The following ZNF649 variants were observed in gnomAD, a reference collection of about 807,000 sequenced individuals.
ZNF649 encodes the protein zinc finger protein 649.
ZNF649 carries 7 observed loss-of-function variants against 14.1 expected under a neutral mutation model. The observed-to-expected ratio is 0.49, with a 90% CI of 0.28 to 0.93. ZNF649 has a LOEUF of 0.93. Ranked by LOEUF, ZNF649 falls within the 40% of genes least tolerant of loss-of-function variation. The pLI is 0.10. For synonymous variants in ZNF649, 227 were observed against 212.3 expected (o/e 1.07, Z -0.60); for missense variants, 544 against 608.1 (o/e 0.89, Z 1.11).
chr19:51,904,899 G>C lies in ZNF649; in HGVS notation c.-188+15C>G, dbSNP rs1274341272. On this transcript the variant is annotated intron_variant, in intron 1 of 4. Coordinates refer to ENST00000354957, the MANE Select transcript of ZNF649 (RefSeq NM_023074.4). Reference sequence around the variant, plus strand: ...ACCCCTTTAACCTACTCCACGGAGAGACCCAAACACTCACCTGATTTTCTT... The same window carrying C: ...ACCCCTTTAACCTACTCCACGGAGACACCCAAACACTCACCTGATTTTCTT... The C allele has an allele frequency of 6.6e-6, 1 of 152,432 alleles. No homozygotes were observed. Among genetic ancestry groups the C allele is most frequent in the Non-Finnish European group, 1.5e-5 (1 of 68,252 alleles). 9.4% of individuals were successfully genotyped at this position (152,432 alleles called of 1,614,324 possible).
chr19:51,898,861 C>T (rs926299542), intron 2 of ZNF649, among the ~76,000 whole-genome samples: 2 of 151,926 alleles, frequency 1.3e-5, no homozygotes, highest in Admixed American at 6.6e-5. Flanking sequence ...TGCAGTGAGC[C>T]GAGGTTGCAC....
chr19:51,896,542 G>A lies in ZNF649; in HGVS notation c.168C>T (p.Ala56=), dbSNP rs146944203. The change falls in exon 4 of 5, where the codon GCC becomes GCT. Residue 56 remains alanine, a synonymous_variant. Coordinates refer to ENST00000354957, the MANE Select transcript of ZNF649 (RefSeq NM_023074.4). ...SVGYQAGKPD[A]LTKLEQGEPL... is the part of the protein sequence containing the mutation. Reference sequence around the variant, plus strand: ...GTTCTCCTTGTTCCAACTTGGTGAGGGCATCAGGTTTGCCGGCTTGATACC... The same window carrying A: ...GTTCTCCTTGTTCCAACTTGGTGAGAGCATCAGGTTTGCCGGCTTGATACC... 1 of 1,614,094 alleles carries A rather than the reference G, an allele frequency of 6.2e-7. No homozygotes were observed. The highest frequency in any genetic ancestry group is 8.5e-7 in the Non-Finnish European group (1 of 1,180,012).
rs140908786 is a variant in ZNF649 at position 51,891,833 on chromosome 19, C to A, written c.303G>T (p.Thr101=). The A allele has an allele frequency of 1.3e-6, 2 of 1,594,392 alleles. No individual in the cohort carries two copies. Among genetic ancestry groups the A allele is most frequent in the Admixed American group, 1.9e-5 (1 of 53,476 alleles). ...TTCTTCCGTGTTCATAGCGTTGTCC[C>A]GTCCTCTTCAGTATTTTTTGGTTTT... ...PLQNQKILKR[T]GQRYEHGRTL... The change falls in exon 5 of 5, where the codon ACG becomes ACT. Residue 101 remains threonine (T), a synonymous_variant. Transcript: ENST00000354957. This position sits in a 1 kb window ranked among gnomAD's most constrained non-coding sequence, Gnocchi z 4.2.
Position 51,896,452 on chromosome 19 carries a change from G to C in ZNF649, c.238+20C>G, listed in dbSNP as rs2085062951. The C allele has an allele frequency of 2.5e-6, 4 of 1,608,068 alleles. No homozygotes were observed. The highest frequency in any genetic ancestry group is 3.4e-6 in the Non-Finnish European group (4 of 1,174,592). On this transcript the variant is annotated intron_variant, in intron 4 of 4. Transcript: ENST00000354957. ...GTGACTTCCGCTGCCTTCCCCTCTT[G>C]CTGGTTCTCTCTCACTTACCTGGGT...
At chr19:51,903,601 C>T (rs1180978385) in intron 1 of ZNF649, among the ~76,000 whole-genome samples, 2 of 152,176 alleles carry the variant, frequency 1.3e-5, no homozygotes, top group Non-Finnish European at 2.9e-5. Flanking sequence ...GGCAGATCAC[C>T]TGAGGTCAGG....
intron 4 of ZNF649, among the ~76,000 whole-genome samples, chr19:51,895,061 CT>C (rs1450995311): frequency 2.0e-5 from 3 of 152,166 alleles, no homozygotes; most frequent in Non-Finnish European, 4.4e-5. Flanking sequence ...GTATTTCAAT[CT>C]TACATGAAGA....
chr19:51,894,200 T>G (rs1017847547), intron 4 of ZNF649, among the ~76,000 whole-genome samples: 1 of 152,078 alleles, frequency 6.6e-6, no homozygotes, highest in Non-Finnish European at 1.5e-5. Flanking sequence ...TGGCACGATC[T>G]TGGCTCACTT....
chr19:51,890,723 G>C lies in ZNF649; in HGVS notation c.1413C>G (p.His471Gln). The C allele has an allele frequency of 6.2e-7, 1 of 1,614,224 alleles. No individual in the cohort carries two copies. The highest frequency in any genetic ancestry group is 8.5e-7 in the Non-Finnish European group (1 of 1,180,046). Residue 471 changes from histidine (H) to glutamine (Q), a missense_variant, in exon 5 of 5, where the codon CAC (histidine) becomes CAG (glutamine). Coordinates refer to ENST00000354957, the MANE Select transcript of ZNF649 (RefSeq NM_023074.4). ...GCACATGTTCACTAGGACTTAAGCT[G>C]TGACTTGCTGTGGAAGGATTTTCCA... is the stretch of plus-strand genomic sequence containing the variant. ...VKVENPSTAS[H>Q]SLSPSEHVQG...
chr19:51,891,211 G>A lies in ZNF649; in HGVS notation c.925C>T (p.Gln309Ter). The change falls in exon 5 of 5, where the codon CAG (glutamine) becomes TAG (stop). Residue 309 changes from glutamine (Q) to a stop codon, truncating the protein, a stop_gained. Coordinates refer to ENST00000354957, the MANE Select transcript of ZNF649 (RefSeq NM_023074.4). LOFTEE classifies it low-confidence loss of function (END_TRUNC). The surrounding 1 kb of genome is among the most constrained non-coding windows in gnomAD (Gnocchi z 4.2). ...FSRKSLLVVH[Q>*]RTHTGEKPHT... ...GGCTTCTCTCCTGTATGAGTTCGCT[G>A]ATGTACAACGAGTAGTGATTTTCTG... 4 of 1,614,222 alleles carry A rather than the reference G, an allele frequency of 2.5e-6. No homozygotes were observed. The highest frequency in any genetic ancestry group is 3.4e-6 in the Non-Finnish European group (4 of 1,180,036).
chr19:51,896,202 G>C (rs2085061341), intron 4 of ZNF649: 1 of 315,598 alleles, frequency 3.2e-6, no homozygotes, highest in Non-Finnish European at 6.0e-6. Context: ...AGAAGAATGG[G>C]AAGATGTGAA....
In ZNF649 at chr19:51,889,346, A is replaced by G. The variant is rs1211749656; in HGVS notation, c.*1272T>C. 3 of 152,224 alleles carry G rather than the reference A, an allele frequency of 2.0e-5. No individual in the cohort carries two copies. The highest frequency in any genetic ancestry group is 4.4e-5 in the Non-Finnish European group (3 of 68,042). 9.4% of individuals were successfully genotyped at this position (152,224 alleles called of 1,614,324 possible). A position where few individuals can be genotyped will look rare whatever the true frequency, so the allele number is the denominator to read the frequency against. On this transcript the variant is annotated 3_prime_UTR_variant, in exon 5 of 5. Transcript: ENST00000354957. ...CAGGCTACTAGAAAAAATACACCAT[A>G]GACTGACTGACTGCCTTAACAAACA...
At chr19:51,893,342 G>A (rs754284444) in intron 4 of ZNF649, among the ~76,000 whole-genome samples, 40 of 151,632 alleles carry the variant, frequency 2.6e-4, no homozygotes, top group Admixed American at 5.2e-4. Context: ...GAATAGGTAT[G>A]CAAAGCAAAT....
At position 51,891,252 on chromosome 19, in the gene ZNF649, C is replaced by T; in HGVS notation, c.884G>A (p.Cys295Tyr). The change falls in exon 5 of 5, where the codon TGT becomes TAT. Residue 295 changes from cysteine (C) to tyrosine (Y), a missense_variant. Transcript: ENST00000354957. This position sits in a 1 kb window ranked among gnomAD's most constrained non-coding sequence, Gnocchi z 4.2. ...TGIKPHQCSE[C>Y]GRAFSRKSLL... ...TGATTTTCTGGAGAAAGCTCTCCCA[C>T]ATTCGCTGCATTGATGGGGCTTAAT... 6.2e-7 allele frequency: 1 copy of T among 1,614,266 alleles called. No homozygotes were observed. Among genetic ancestry groups the T allele is most frequent in the Non-Finnish European group, 8.5e-7 (1 of 1,180,040 alleles).
Position 51,889,354 on chromosome 19 carries a change from T to C in ZNF649, c.*1264A>G, listed in dbSNP as rs1266390580. The C allele has an allele frequency of 6.6e-6, 1 of 152,220 alleles. No individual in the cohort carries two copies. Among genetic ancestry groups the C allele is most frequent in the African/African-American group, 2.4e-5 (1 of 41,454 alleles). 9.4% of individuals were successfully genotyped at this position (152,220 alleles called of 1,614,324 possible). On this transcript the variant is annotated 3_prime_UTR_variant, in exon 5 of 5. Coordinates refer to ENST00000354957, the MANE Select transcript of ZNF649 (RefSeq NM_023074.4). ...TAGAAAAAATACACCATAGACTGACTGACTGCCTTAACAAACATTCATTTC... is the reference window on the plus strand; with the variant it reads ...TAGAAAAAATACACCATAGACTGACCGACTGCCTTAACAAACATTCATTTC...
chr19:51,904,628 C>T (rs1006294591), intron 1 of ZNF649, among the ~76,000 whole-genome samples: 7 of 150,800 alleles, frequency 4.6e-5, no homozygotes, highest in Non-Finnish European at 7.4e-5. Flanking sequence ...ATAATGGCGT[C>T]GGTGATAAAG....
chr19:51,893,352 T>C (rs2085037094), intron 4 of ZNF649, among the ~76,000 whole-genome samples: 1 of 151,122 alleles, frequency 6.6e-6, no homozygotes, highest in Non-Finnish European at 1.5e-5. Flanking sequence ...GCAAAGCAAA[T>C]CCTAGAAGGC....
chr19:51,895,810 C>A (rs1372284390), intron 4 of ZNF649, among the ~76,000 whole-genome samples: 1 of 152,082 alleles, frequency 6.6e-6, no homozygotes, highest in Non-Finnish European at 1.5e-5. Flanking sequence ...CATATATACA[C>A]ACACGCATAT....
chr19:51,900,785 T>C (rs138982889), intron 1 of ZNF649, among the ~76,000 whole-genome samples: 209 of 152,116 alleles, frequency 1.4e-3, no homozygotes, highest in African/African-American at 3.9e-3. Context: ...AGGCAGAGAC[T>C]GGAGTGATGC....
intron 2 of ZNF649, among the ~76,000 whole-genome samples, chr19:51,899,430 T>C (rs2085082877): frequency 6.6e-6 from 1 of 152,194 alleles, no homozygotes; most frequent in African/African-American, 2.4e-5. Flanking sequence ...TAGTGACCTG[T>C]TCATGGAGCT....
Sources: allele counts gnomAD v4.1 joint callset (sites outside exome capture counted in the v4.1 genomes callset), GRCh38; gene constraint gnomAD v4.1.1; non-coding constraint Gnocchi (gnomAD v3.1); transcripts MANE v1.5; gene names NCBI Gene and HGNC (gene_info 2026-07-23, HGNC 2026-07-21).